Variants in CRB2 observed in about 807,000 individuals in gnomAD.
CRB2 encodes crumbs cell polarity complex component 2.
In CRB2, 85 loss-of-function variants were observed where a neutral mutation model predicts 110.9. The ratio of observed to expected loss-of-function variants is 0.77; its 90% CI spans 0.64 to 0.92. The LOEUF is 0.92. CRB2 is among the 40% of genes least tolerant of loss of function. The probability of loss-of-function intolerance (pLI) is 0.00; values close to 1 mark genes in which losing one functional copy is unlikely to be tolerated. For missense variants in CRB2, 1,843 were observed against 1,851.3 expected, an observed-to-expected ratio of 1.00 and a Z score of 0.08; for synonymous variants, 907 against 831.0, an observed-to-expected ratio of 1.09 and a Z score of -1.57.
At chr9:123,369,711 G>A (rs570340775) in intron 6 of CRB2, among the ~76,000 whole-genome samples, 2 of 152,262 alleles carry the variant, frequency 1.3e-5, no homozygotes, top group Non-Finnish European at 2.9e-5. Flanking sequence ...GACTTCAGGC[G>A]GCAGAGGAAC....
Position 123,373,181 on chromosome 9 carries a change from G to T in CRB2, c.2650G>T (p.Gly884Trp). ...FREGPPAAFS[G>W]HNASSGRLLG... Reference sequence around the variant, plus strand: ...CGAGGGTCCCCCCGCCGCGTTCAGCGGGCACAACGCGTCGTCAGGGCGCTT... The same window carrying T: ...CGAGGGTCCCCCCGCCGCGTTCAGCTGGCACAACGCGTCGTCAGGGCGCTT... Residue 884 changes from glycine (G) to tryptophan (W), a missense_variant, in exon 10 of 13, where the codon GGG (glycine) becomes TGG (tryptophan). Transcript: ENST00000373631. 1 of 1,515,218 alleles carries T rather than the reference G, an allele frequency of 6.6e-7. No homozygotes were observed. The highest frequency in any genetic ancestry group is 2.7e-5 in the East Asian group (1 of 37,242). 93.9% of individuals were successfully genotyped at this position (1,515,218 alleles called of 1,614,324 possible).
At position 123,372,238 on chromosome 9, in the gene CRB2, G is replaced by T. The variant is rs1337737029; in HGVS notation, c.2498G>T (p.Cys833Phe). 3.1e-6 allele frequency: 5 copies of T among 1,614,062 alleles called. No homozygotes were observed. The highest frequency in any genetic ancestry group is 4.2e-6 in the Non-Finnish European group (5 of 1,180,002). ...ACCTGGAATGACTTCCACTGTACCT[G>T]CCCTGCCAATTTCACGGGGCCTACG... ...LVTWNDFHCT[C>F]PANFTGPTCA... The change falls in exon 9 of 13, where the codon TGC (cysteine) becomes TTC (phenylalanine). Residue 833 changes from cysteine to phenylalanine, a missense_variant. Physicochemically the swap from Cys to Phe is radical, Grantham distance 205 (BLOSUM62 -2). Transcript: ENST00000373631.
chr9:123,363,024 A>G lies in CRB2; in HGVS notation c.254A>G (p.Gln85Arg). Residue 85 changes from glutamine (Q) to arginine (R), a missense_variant, in exon 2 of 13, where the codon CAG (glutamine) becomes CGG (arginine). Gln to Arg is a conservative substitution (Grantham distance 43, BLOSUM62 1). Coordinates refer to ENST00000373631, the MANE Select transcript of CRB2 (RefSeq NM_173689.7). The part of the protein sequence containing the change: ...PCHHGALCVP[Q>R]GPDPTGFRCY... ...CACCACGGCGCTCTGTGTGTGCCCC[A>G]GGGTCCAGATCCCACCGGCTTCCGC... 1.2e-6 allele frequency: 2 copies of G among 1,612,522 alleles called. No homozygotes were observed. Among genetic ancestry groups the G allele is most frequent in the Non-Finnish European group, 1.7e-6 (2 of 1,179,920 alleles).
At chr9:123,358,802 A>T (rs1411352208) in intron 1 of CRB2, among the ~76,000 whole-genome samples, 1 of 152,256 alleles carries the variant, frequency 6.6e-6, no homozygotes, top group Non-Finnish European at 1.5e-5. Context: ...ACGAGGACAG[A>T]CTGGCTTACT....
Position 123,370,235 on chromosome 9 carries a change from T to C in CRB2, c.1182T>C (p.Ser394=). Residue 394 remains serine, a synonymous_variant, in exon 7 of 13, where the codon TCT becomes TCC. Coordinates refer to ENST00000373631, the MANE Select transcript of CRB2 (RefSeq NM_173689.7). ...AGACCTGGGGTGGGCGCGACTGTTCTGTGCAGCTCACTGGCTGCCAGGGCC... is the reference window on the plus strand; with the variant it reads ...AGACCTGGGGTGGGCGCGACTGTTCCGTGCAGCTCACTGGCTGCCAGGGCC... The part of the protein sequence containing the change: ...CPETWGGRDC[S]VQLTGCQGHT... 1 of 1,613,334 alleles carries C rather than the reference T, an allele frequency of 6.2e-7. No homozygotes were observed. The highest frequency in any genetic ancestry group is 1.1e-5 in the South Asian group (1 of 91,084).
chr9:123,378,516 G>GAAGT lies in CRB2; in HGVS notation c.*1455_*1458dup, dbSNP rs2042141041. 6.6e-6 allele frequency: 1 copy of GAAGT among 152,300 alleles called. No homozygotes were observed. The highest frequency in any genetic ancestry group is 1.5e-5 in the Non-Finnish European group (1 of 68,082). 9.4% of individuals were successfully genotyped at this position (152,300 alleles called of 1,614,324 possible). A position where few individuals can be genotyped will look rare whatever the true frequency, so the allele number is the denominator to read the frequency against. On this transcript the variant is annotated 3_prime_UTR_variant, in exon 13 of 13. Transcript: ENST00000373631. ...GTGGGGGACTGGGACATGGGACTGG[G>GAAGT]AAGTCAGCAGACGCTGGGATAGAGA...
At chr9:123,364,826 G>A (rs1353837519) in intron 2 of CRB2, among the ~76,000 whole-genome samples, 4 of 152,124 alleles carry the variant, frequency 2.6e-5, no homozygotes, top group Admixed American at 6.5e-5. Context: ...GTCGTGATTC[G>A]CCCAGGACTG....
upstream of CRB2, among the ~76,000 whole-genome samples, chr9:123,355,721 C>A (rs1223729687): frequency 8.9e-6 from 1 of 112,554 alleles, no homozygotes; most frequent in African/African-American, 3.6e-5. Flanking sequence ...CACTGGGGAG[C>A]AGCAGGTGGG....
chr9:123,371,257 C>T lies in CRB2; in HGVS notation c.2115C>T (p.Ile705=). The T allele has an allele frequency of 6.2e-7, 1 of 1,613,992 alleles. No homozygotes were observed. The highest frequency in any genetic ancestry group is 8.5e-7 in the Non-Finnish European group (1 of 1,180,022). The change falls in exon 8 of 13, where the codon ATC becomes ATT. Residue 705 remains isoleucine, a synonymous_variant. Transcript: ENST00000373631. ...GLTVFLSEGR[I]RAEVPGSPAV... The stretch of plus-strand genomic sequence containing the variant: ...CAGTATTCCTGAGTGAGGGTCGGAT[C>T]CGGGCTGAGGTGCCGGGCAGTCCTG...
At chr9:123,368,699 C>A (rs1056781398) in intron 6 of CRB2, 2 of 933,178 alleles carry the variant, frequency 2.1e-6, no homozygotes, top group Non-Finnish European at 2.6e-6. Flanking sequence ...GGAGGGGGGA[C>A]CCCAGCTGCA....
In CRB2 at chr9:123,365,957, G is replaced by T. The variant is rs1205375535; in HGVS notation, c.459G>T (p.Ala153=). ...TGGAGGTGGACGAGTGCGCCTCAGC[G>T]CCCTGCCTGCACGGGGGCTCGTGCC... ...CEMEVDECAS[A]PCLHGGSCLD... Residue 153 remains alanine (A), a synonymous_variant, in exon 3 of 13, where the codon GCG becomes GCT. Coordinates refer to ENST00000373631, the MANE Select transcript of CRB2 (RefSeq NM_173689.7). 6.3e-7 allele frequency: 1 copy of T among 1,597,210 alleles called. No individual in the cohort carries two copies. The highest frequency in any genetic ancestry group is 8.5e-7 in the Non-Finnish European group (1 of 1,178,932).
intron 1 of CRB2, among the ~76,000 whole-genome samples, chr9:123,360,852 T>C (rs1033709250): frequency 9.2e-5 from 14 of 152,302 alleles, no homozygotes; most frequent in African/African-American, 3.1e-4. Context: ...GAAAGATGGC[T>C]GTCCCTCCCA....
chr9:123,356,183 G>C, upstream of CRB2: 1 of 992,124 alleles, frequency 1.0e-6, no homozygotes, highest in Non-Finnish European at 1.4e-6. Flanking sequence ...GCTGGTTGGA[G>C]GGACGAGGGG....
chr9:123,372,778 C>T (rs544588361), intron 9 of CRB2, among the ~76,000 whole-genome samples: 1 of 152,202 alleles, frequency 6.6e-6, no homozygotes, highest in Non-Finnish European at 1.5e-5. Flanking sequence ...ACAAAGATGA[C>T]TGGCTGCAGT....
chr9:123,368,885 G>A (rs1416040804), intron 6 of CRB2: 9 of 1,272,418 alleles, frequency 7.1e-6, no homozygotes, highest in Non-Finnish European at 9.2e-6. Flanking sequence ...CCTGTCTGGA[G>A]GGCATGGCAA....
chr9:123,355,322 A>G (rs2041785626), upstream of CRB2, among the ~76,000 whole-genome samples: 1 of 152,082 alleles, frequency 6.6e-6, no homozygotes, highest in Non-Finnish European at 1.5e-5. Flanking sequence ...CTGGCAGGGG[A>G]GAGCAATGCT....
rs117934882 is a variant in CRB2, at chr9:123,359,641, G to A, written c.95-3224G>A. Among the ~76,000 whole-genome samples, 5 of 151,930 alleles carry A rather than the reference G, an allele frequency of 3.3e-5. No individual in the cohort carries two copies. The East Asian group carries it at 9.7e-4, about 29-fold the overall frequency. On this transcript the variant is annotated intron_variant, in intron 1 of 12. Transcript: ENST00000373631. ...TTCGTTTTGTTTTCATAGAGCCAGC[G>A]TCTCACTATGTTTGCACAGGCTGGT...
At chr9:123,354,365 G>A (rs2041777389), upstream of CRB2, among the ~76,000 whole-genome samples, 1 of 152,262 alleles carries the variant, frequency 6.6e-6, no homozygotes. Flanking sequence ...GAGAACCAGA[G>A]GGTGGTGGTT....
At chr9:123,357,636 G>A (rs915982858) in intron 1 of CRB2, among the ~76,000 whole-genome samples, 4 of 152,124 alleles carry the variant, frequency 2.6e-5, no homozygotes, top group African/African-American at 4.8e-5. Context: ...GGCGGGGGGC[G>A]GGGTGGCTGC....
Sources: allele counts gnomAD v4.1 joint callset (sites outside exome capture counted in the v4.1 genomes callset), GRCh38; gene constraint gnomAD v4.1.1; transcripts MANE v1.5; gene names NCBI Gene and HGNC (gene_info 2026-07-23, HGNC 2026-07-21).